PRKCE: variants seen among roughly 807,000 people sequenced by gnomAD.
PRKCE encodes protein kinase C epsilon type.
PRKCE carries 16 observed loss-of-function variants against 85.4 expected under a neutral mutation model. That is an observed-to-expected ratio of 0.19 (90% CI 0.13 to 0.28). The LOEUF is 0.28. Among genes scored for constraint, PRKCE ranks in the 10% least tolerant of loss-of-function variants. The pLI, the probability that PRKCE is intolerant of heterozygous loss-of-function variation, is 1.00. For synonymous variants in PRKCE, 388 were observed against 371.5 expected, an observed-to-expected ratio of 1.04 and a Z score of -0.51; for missense variants, 573 against 975.2, an observed-to-expected ratio of 0.59 and a Z score of 5.49.
At chr2:46,121,561 A>T (rs368991121) in intron 11 of PRKCE, among the ~76,000 whole-genome samples, 1 of 152,206 alleles carries the variant, frequency 6.6e-6, no homozygotes, top group East Asian at 1.9e-4. Flanking sequence ...CCCATAGGGA[A>T]TTTACAGGAC....
rs397781944 is a variant in PRKCE at position 45,941,065 on chromosome 2, T to TAAAAAAAAAAAA, written c.413-35353_413-35342dup. 9.1e-4 allele frequency among the ~76,000 whole-genome samples: 61 copies of TAAAAAAAAAAAA among 67,156 alleles called. 6 individuals are homozygous for TAAAAAAAAAAAA. The East Asian group carries it at 0.025, about 28-fold the overall frequency. The allele number at this position is 67,156 out of a possible 152,430, so 44.1% of individuals were successfully genotyped here. ...TGGGTGACAGAGTGAGACTTCATCC[T>TAAAAAAAAAAAA]AAAAAAAAAAAAAAAAAAAAAAGAT... On this transcript the variant is annotated intron_variant, in intron 2 of 14. Transcript: ENST00000306156.
intron 9 of PRKCE, among the ~76,000 whole-genome samples, chr2:46,009,252 A>G (rs1359782554): frequency 6.6e-6 from 1 of 152,234 alleles, no homozygotes; most frequent in Non-Finnish European, 1.5e-5. Context: ...TCTTTTCAAT[A>G]GAATAAAATA....
intron 1 of PRKCE, among the ~76,000 whole-genome samples, chr2:45,688,995 G>C (rs1335981219): frequency 6.6e-6 from 1 of 152,174 alleles, no homozygotes; most frequent in African/African-American, 2.4e-5. Context: ...AGCTAATGTG[G>C]CCAGAACATA....
intron 2 of PRKCE, among the ~76,000 whole-genome samples, chr2:45,863,648 C>T (rs922677683): frequency 6.6e-6 from 1 of 152,024 alleles, no homozygotes; most frequent in Non-Finnish European, 1.5e-5. Context: ...AATCCAGTGC[C>T]ACAGATTTAG....
intron 2 of PRKCE, among the ~76,000 whole-genome samples, chr2:45,944,175 A>T (rs773781655): frequency 4.6e-5 from 7 of 152,082 alleles, no homozygotes; most frequent in Non-Finnish European, 7.4e-5. Flanking sequence ...TTCGTTGGTG[A>T]CTCATTTCTT....
At chr2:45,903,888 T>TTTTG (rs1353470104) in intron 2 of PRKCE, among the ~76,000 whole-genome samples, 7 of 65,082 alleles carry the variant, frequency 1.1e-4, no homozygotes, top group East Asian at 1.6e-3. Context: ...GCAGTTTTTT[T>TTTTG]TTGTTTGTTT....
intron 1 of PRKCE, among the ~76,000 whole-genome samples, chr2:45,758,927 G>C (rs547587802): frequency 6.6e-6 from 1 of 152,312 alleles, no homozygotes; most frequent in African/African-American, 2.4e-5. Context: ...TTTGTGGGGA[G>C]TCCGGCGTGT....
chr2:45,981,200 C>G (rs1161865563), intron 5 of PRKCE, among the ~76,000 whole-genome samples: 2 of 152,156 alleles, frequency 1.3e-5, no homozygotes, highest in Non-Finnish European at 2.9e-5. Context: ...ATTAAAAAAC[C>G]TTTTTGAGGA....
intron 10 of PRKCE, among the ~76,000 whole-genome samples, chr2:46,027,212 G>T (rs531034892): frequency 1.3e-5 from 2 of 152,174 alleles, no homozygotes; most frequent in Non-Finnish European, 2.9e-5. Flanking sequence ...GCACACACCT[G>T]TAGTCCCAGC....
At chr2:46,023,030 C>A (rs1706802127) in intron 10 of PRKCE, among the ~76,000 whole-genome samples, 1 of 143,956 alleles carries the variant, frequency 6.9e-6, no homozygotes, top group South Asian at 2.3e-4. Flanking sequence ...TTGCAGTGAG[C>A]CGAGATTGCG....
At chr2:46,007,759 G>A in intron 9 of PRKCE, 98 bp downstream of exon 9, 1 of 1,318,082 alleles carries the variant, frequency 7.6e-7, no homozygotes, top group Non-Finnish European at 1.0e-6. Context: ...CTTTCAGCCT[G>A]ATCTCGTTAG....
intron 1 of PRKCE, among the ~76,000 whole-genome samples, chr2:45,689,884 A>G (rs1677593554): frequency 6.7e-6 from 1 of 148,604 alleles, no homozygotes; most frequent in South Asian, 2.2e-4. Flanking sequence ...GCTGGGTGAC[A>G]GAGCAAGACT....
chr2:46,095,117 C>T (rs919177765), intron 11 of PRKCE, among the ~76,000 whole-genome samples: 1 of 152,196 alleles, frequency 6.6e-6, no homozygotes, highest in African/African-American at 2.4e-5. Context: ...TCTGTTTTCT[C>T]TTTCTGGAAC....
intron 1 of PRKCE, among the ~76,000 whole-genome samples, chr2:45,719,035 G>T (rs919388682): frequency 1.3e-5 from 2 of 152,218 alleles, no homozygotes; most frequent in Non-Finnish European, 2.9e-5. Flanking sequence ...ATTAAAACTT[G>T]TGGAGTAATT....
chr2:45,677,603 G>A (rs1366269830), intron 1 of PRKCE, among the ~76,000 whole-genome samples: 4 of 152,042 alleles, frequency 2.6e-5, no homozygotes, highest in Admixed American at 2.6e-4. Context: ...TGATCCACCC[G>A]CCTCGGCCTC....
chr2:45,850,823 T>A (rs1400220560), intron 2 of PRKCE, among the ~76,000 whole-genome samples: 1 of 152,152 alleles, frequency 6.6e-6, no homozygotes, highest in African/African-American at 2.4e-5. Flanking sequence ...TGTCTCTGAA[T>A]CACCTATTCT....
chr2:45,691,179 G>A (rs1161431456), intron 1 of PRKCE, among the ~76,000 whole-genome samples: 7 of 152,176 alleles, frequency 4.6e-5, no homozygotes, highest in African/African-American at 1.7e-4. Context: ...TCAGTGGGCT[G>A]GGCGGTTCTC....
At chr2:45,835,561 A>G (rs116017579) in intron 1 of PRKCE, among the ~76,000 whole-genome samples, 1 of 150,542 alleles carries the variant, frequency 6.6e-6, no homozygotes, top group Non-Finnish European at 1.5e-5. Context: ...TCTTTCACAT[A>G]GCATCCATGT....
intron 1 of PRKCE, among the ~76,000 whole-genome samples, chr2:45,722,453 C>T (rs1392436297): frequency 6.6e-6 from 1 of 152,208 alleles, no homozygotes; most frequent in Non-Finnish European, 1.5e-5. Flanking sequence ...TGCATACCAA[C>T]TGAAAAGGCC....
Sources: allele counts gnomAD v4.1 joint callset (sites outside exome capture counted in the v4.1 genomes callset), GRCh38; gene constraint gnomAD v4.1.1; transcripts MANE v1.5; gene names NCBI Gene and HGNC (gene_info 2026-07-23, HGNC 2026-07-21).